Variants in UNC5D observed in about 807,000 individuals in gnomAD.
UNC5D encodes the protein unc-5 netrin receptor D.
UNC5D carries 39 observed loss-of-function variants against 105.4 expected under a neutral mutation model. The ratio of observed to expected loss-of-function variants is 0.37; its 90% CI spans 0.29 to 0.48. The LOEUF (loss-of-function observed/expected upper bound fraction) is 0.48, where lower values mean the gene tolerates loss of function less well. UNC5D is among the 20% of genes least tolerant of loss of function. The pLI, the probability that UNC5D is intolerant of heterozygous loss-of-function variation, is 0.98. For synonymous variants in UNC5D, 452 were observed against 450.4 expected, an observed-to-expected ratio of 1.00 and a Z score of -0.04; for missense variants, 991 against 1,202.4, an observed-to-expected ratio of 0.82 and a Z score of 2.60.
chr8:35,778,442 G>C (rs1472958678), intron 16 of UNC5D, among the ~76,000 whole-genome samples: 1 of 152,132 alleles, frequency 6.6e-6, no homozygotes, highest in African/African-American at 2.4e-5. Flanking sequence ...TCTCTTATGA[G>C]TCCAAATAAT....
At chr8:35,696,133 G>T (rs1270810109) in intron 7 of UNC5D, among the ~76,000 whole-genome samples, 1 of 152,100 alleles carries the variant, frequency 6.6e-6, no homozygotes, top group Non-Finnish European at 1.5e-5. Context: ...GACTGTACTA[G>T]ACTGTATAGC....
chr8:35,525,690 A>T (rs1045890515), intron 1 of UNC5D: 2 of 1,606,574 alleles, frequency 1.2e-6, no homozygotes, highest in African/African-American at 2.7e-5. Context: ...CTCGCCCTGC[A>T]GCCGCTGCTC....
At chr8:35,615,035 G>GCCCCCCCCCCCCCCCCC (rs1394702258) in intron 4 of UNC5D, among the ~76,000 whole-genome samples, 2 of 53,820 alleles carry the variant, frequency 3.7e-5, no homozygotes, top group Non-Finnish European at 6.0e-5. Context: ...CATAGTGAGG[G>GCCCCCCCCCCCCCCCCC]GCCCCCCCCC....
intron 1 of UNC5D, among the ~76,000 whole-genome samples, chr8:35,472,553 T>C (rs566404230): frequency 1.3e-5 from 2 of 152,198 alleles, no homozygotes; most frequent in African/African-American, 4.8e-5. Flanking sequence ...CTGACAAGAA[T>C]GATAGCACAC....
At chr8:35,704,664 G>T (rs1485485966) in intron 7 of UNC5D, among the ~76,000 whole-genome samples, 1 of 151,930 alleles carries the variant, frequency 6.6e-6, no homozygotes, top group Non-Finnish European at 1.5e-5. Context: ...TGAGAAGGAG[G>T]AAGCACCATG....
intron 1 of UNC5D, among the ~76,000 whole-genome samples, chr8:35,470,864 T>C (rs569182931): frequency 5.9e-5 from 9 of 152,202 alleles, no homozygotes; most frequent in Admixed American, 5.2e-4. Context: ...GAAGCACAGC[T>C]TAGCAGCATT....
intron 1 of UNC5D, among the ~76,000 whole-genome samples, chr8:35,271,713 T>TATACCTG (rs1563268302): frequency 0.014 from 1,169 of 85,376 alleles, 78 homozygotes; most frequent in African/African-American, 0.065. Flanking sequence ...ACATATATAT[T>TATACCTG]TATACATGTA....
At position 35,264,024 on chromosome 8, in the gene UNC5D, T is replaced by C. The variant is rs907472109; in HGVS notation, c.103+28137T>C. Among the ~76,000 whole-genome samples the C allele has an allele frequency of 9.8e-5, 15 of 152,368 alleles. 1 individual carries two copies. Among genetic ancestry groups the C allele is most frequent in the African/African-American group, 3.1e-4 (13 of 41,592 alleles). Reference sequence around the variant, plus strand: ...TTTCTTAGAAAAGAAACCACTTTTATGTTTTGAGACTAAGCTTACAAATGG... The same window carrying C: ...TTTCTTAGAAAAGAAACCACTTTTACGTTTTGAGACTAAGCTTACAAATGG... On this transcript the variant is annotated intron_variant, in intron 1 of 16. Transcript: ENST00000404895.
At chr8:35,665,127 G>A (rs958051692) in intron 4 of UNC5D, among the ~76,000 whole-genome samples, 2 of 152,172 alleles carry the variant, frequency 1.3e-5, no homozygotes, top group African/African-American at 4.8e-5. Flanking sequence ...GAGCCACTGT[G>A]CCCAGCCTTT....
At chr8:35,685,392 A>G (rs940659687) in intron 6 of UNC5D, among the ~76,000 whole-genome samples, 1 of 152,212 alleles carries the variant, frequency 6.6e-6, no homozygotes, top group Non-Finnish European at 1.5e-5. Context: ...GATGAGATGG[A>G]AGATGACTTT....
At chr8:35,588,691 C>T (rs888590558) in intron 3 of UNC5D, among the ~76,000 whole-genome samples, 13 of 152,062 alleles carry the variant, frequency 8.5e-5, no homozygotes, top group Non-Finnish European at 1.3e-4. Flanking sequence ...GAGTCAACAG[C>T]GGGAGTGAGT....
chr8:35,393,098 A>C (rs1158124080), intron 1 of UNC5D, among the ~76,000 whole-genome samples: 1 of 150,184 alleles, frequency 6.7e-6, no homozygotes, highest in African/African-American at 2.5e-5. Flanking sequence ...ATGCAAATGT[A>C]ACTAAATATC....
At position 35,348,488 on chromosome 8, in the gene UNC5D, A is replaced by T. The variant is rs564742777; in HGVS notation, c.103+112601A>T. 3.9e-5 allele frequency among the ~76,000 whole-genome samples: 6 copies of T among 152,066 alleles called. No homozygotes were observed. In the South Asian group the frequency reaches 1.2e-3, roughly 32 times the overall value. On this transcript the variant is annotated intron_variant, in intron 1 of 16. Transcript: ENST00000404895. The stretch of plus-strand genomic sequence containing the variant: ...TATTTCTTGTAATCAAATATGTAGA[A>T]ATGCTATTTGGAGCTTTAGATTACC...
chr8:35,579,671 A>G (rs1277283743), intron 3 of UNC5D, among the ~76,000 whole-genome samples: 1 of 152,228 alleles, frequency 6.6e-6, no homozygotes, highest in East Asian at 1.9e-4. Context: ...CAGTACTTGT[A>G]GTGAATGAAT....
chr8:35,362,619 C>T (rs1801915338), intron 1 of UNC5D, among the ~76,000 whole-genome samples: 1 of 152,280 alleles, frequency 6.6e-6, no homozygotes, highest in South Asian at 2.1e-4. Flanking sequence ...ACTTACAAAA[C>T]AGTTGCAAAA....
intron 1 of UNC5D, among the ~76,000 whole-genome samples, chr8:35,353,194 CT>C (rs1339587068): frequency 6.6e-6 from 1 of 152,028 alleles, no homozygotes; most frequent in African/African-American, 2.4e-5. Flanking sequence ...AAATAAAGAA[CT>C]TGTAGAAATC....
At chr8:35,511,936 A>T (rs998194037) in intron 1 of UNC5D, among the ~76,000 whole-genome samples, 4 of 152,168 alleles carry the variant, frequency 2.6e-5, no homozygotes, top group African/African-American at 9.6e-5. Flanking sequence ...TCGAAGGTGG[A>T]GATGGTCTTG....
chr8:35,419,322 T>C (rs1805733438), intron 1 of UNC5D, among the ~76,000 whole-genome samples: 1 of 152,166 alleles, frequency 6.6e-6, no homozygotes, highest in Admixed American at 6.5e-5. Context: ...AGGCTCACCG[T>C]TGGGCTAGTT....
At chr8:35,463,579 A>T (rs1360644413) in intron 1 of UNC5D, among the ~76,000 whole-genome samples, 1 of 151,838 alleles carries the variant, frequency 6.6e-6, no homozygotes, top group Non-Finnish European at 1.5e-5. Flanking sequence ...TGCAAGCTTC[A>T]TAAAGACATT....
Sources: gnomAD v4.1 joint callset for allele counts (sites outside exome capture counted in the v4.1 genomes callset) on GRCh38, gnomAD v4.1.1 for gene constraint, MANE v1.5 for transcripts, NCBI Gene and HGNC (gene_info 2026-07-23, HGNC 2026-07-21) for gene names.